Variants in PCP4 observed in about 807,000 individuals in gnomAD.
PCP4 encodes calmodulin regulator protein PCP4.
PCP4 carries 8 observed loss-of-function variants against 10.0 expected under a neutral mutation model. The observed-to-expected ratio is 0.80, with a 90% CI of 0.47 to 1.45. PCP4 has a LOEUF of 1.45. Ranked by LOEUF, PCP4 falls within the 40% of genes most tolerant of loss-of-function variation. PCP4 has a pLI of 0.00. For synonymous variants in PCP4, 21 were observed against 23.0 expected (o/e 0.91, Z 0.24); for missense variants, 54 against 74.4 (o/e 0.73, Z 1.01).
In PCP4 at chr21:39,889,056, C is replaced by T. The variant is rs1291806958; in HGVS notation, c.10-9420C>T. Among the ~76,000 whole-genome samples the T allele has an allele frequency of 2.0e-5, 3 of 152,216 alleles. No homozygotes were observed. In the East Asian group the frequency reaches 5.8e-4, roughly 29 times the overall value. On this transcript the variant is annotated intron_variant, in intron 1 of 2. Coordinates refer to ENST00000328619, the MANE Select transcript of PCP4 (RefSeq NM_006198.3). Reference sequence around the variant, plus strand: ...CCATTTCACTTCCATCCCTGCGTGGCTTGATCACGGGGCCGAGAGGGAACG... The same window carrying T: ...CCATTTCACTTCCATCCCTGCGTGGTTTGATCACGGGGCCGAGAGGGAACG...
At chr21:39,895,256 T>C (rs544077254) in intron 1 of PCP4, among the ~76,000 whole-genome samples, 2 of 152,246 alleles carry the variant, frequency 1.3e-5, no homozygotes, top group Non-Finnish European at 2.9e-5. Context: ...CACATCCATC[T>C]GCTATTTATT....
At chr21:39,874,570 T>G (rs1177574729) in intron 1 of PCP4, among the ~76,000 whole-genome samples, 1 of 152,012 alleles carries the variant, frequency 6.6e-6, no homozygotes, top group East Asian at 1.9e-4. Flanking sequence ...CATTAACATG[T>G]GTCTTAATCA....
At chr21:39,880,188 C>CTA (rs1325255846) in intron 1 of PCP4, among the ~76,000 whole-genome samples, 1,926 of 122,638 alleles carry the variant, frequency 0.016, 39 homozygotes, top group African/African-American at 0.059. Context: ...ATATCTATAT[C>CTA]TATCTATATC....
intron 2 of PCP4, among the ~76,000 whole-genome samples, chr21:39,900,152 A>G (rs2146338403): frequency 6.6e-6 from 1 of 152,206 alleles, no homozygotes; most frequent in Non-Finnish European, 1.5e-5. Context: ...CTCCTGCCTC[A>G]GCCTCTTGAG....
chr21:39,910,309 C>A (rs963387858), intron 2 of PCP4, among the ~76,000 whole-genome samples: 3 of 152,158 alleles, frequency 2.0e-5, no homozygotes, highest in Non-Finnish European at 2.9e-5. Flanking sequence ...GCAGACCTCG[C>A]TTCCCACAGC....
chr21:39,910,573 TG>T (rs1422426429), intron 2 of PCP4, among the ~76,000 whole-genome samples: 1 of 152,202 alleles, frequency 6.6e-6, no homozygotes, highest in Non-Finnish European at 1.5e-5. Context: ...ATGCATTTGC[TG>T]GTTGGGGAAA....
intron 1 of PCP4, among the ~76,000 whole-genome samples, chr21:39,896,783 G>T (rs1207249780): frequency 6.6e-6 from 1 of 152,138 alleles, no homozygotes; most frequent in Non-Finnish European, 1.5e-5. Context: ...GTTGACAAAT[G>T]ACCTGAGAAT....
chr21:39,910,654 A>G (rs2837287), intron 2 of PCP4, among the ~76,000 whole-genome samples: 25,430 of 152,182 alleles, frequency 0.17, 2,294 homozygotes, highest in East Asian at 0.35. Context: ...AGAATAAGAT[A>G]GAGCAATGTT....
At chr21:39,876,074 A>G (rs2087344153) in intron 1 of PCP4, among the ~76,000 whole-genome samples, 1 of 150,962 alleles carries the variant, frequency 6.6e-6, no homozygotes, top group South Asian at 2.1e-4. Context: ...AGAATTTTTC[A>G]ATTAAATCTG....
chr21:39,926,158 C>T, intron 2 of PCP4: 1 of 429,610 alleles, frequency 2.3e-6, no homozygotes, highest in Non-Finnish European at 4.7e-6. Context: ...ACTGGACTCT[C>T]TGAAGTATAC....
At chr21:39,889,197 G>A (rs751987694) in intron 1 of PCP4, among the ~76,000 whole-genome samples, 1 of 152,070 alleles carries the variant, frequency 6.6e-6, no homozygotes, top group Non-Finnish European at 1.5e-5. Context: ...CATGAATAAA[G>A]CTCTTACGAA....
chr21:39,876,377 T>C (rs1395536259), intron 1 of PCP4, among the ~76,000 whole-genome samples: 1 of 152,188 alleles, frequency 6.6e-6, no homozygotes, highest in Admixed American at 6.5e-5. Flanking sequence ...ATTTGTCTTT[T>C]TGTGACTGGC....
rs565693391 is a variant in PCP4, at chr21:39,928,879, G to A, written c.62-105G>A. The stretch of plus-strand genomic sequence containing the variant: ...CCTGGGGTGTAAGTTAAGCCCCTGT[G>A]TGTGCCCCAAGGTGGACTTCCTGGC... On this transcript the variant is annotated intron_variant, in intron 2 of 2. Coordinates refer to ENST00000328619, the MANE Select transcript of PCP4 (RefSeq NM_006198.3). 17 of 1,098,290 alleles carry A rather than the reference G, an allele frequency of 1.5e-5. No homozygotes were observed. In the South Asian group the frequency reaches 1.8e-4, roughly 11 times the overall value. 68.0% of individuals were successfully genotyped at this position (1,098,290 alleles called of 1,614,324 possible).
chr21:39,909,921 G>T (rs1013239558), intron 2 of PCP4, among the ~76,000 whole-genome samples: 2 of 151,414 alleles, frequency 1.3e-5, no homozygotes, highest in African/African-American at 4.9e-5. Flanking sequence ...TCAGCCACCC[G>T]AGTAGCTGGG....
chr21:39,920,557 T>C (rs2087592492), intron 2 of PCP4, among the ~76,000 whole-genome samples: 1 of 152,126 alleles, frequency 6.6e-6, no homozygotes, highest in East Asian at 1.9e-4. Flanking sequence ...CTAACCATGA[T>C]GACGTGAGCA....
intron 2 of PCP4, among the ~76,000 whole-genome samples, chr21:39,921,029 T>G (rs905849791): frequency 2.6e-5 from 4 of 152,224 alleles, no homozygotes; most frequent in African/African-American, 9.6e-5. Flanking sequence ...CCATTTGTTT[T>G]CCTGGGGAGG....
intron 1 of PCP4, among the ~76,000 whole-genome samples, chr21:39,891,614 G>A (rs1270702469): frequency 6.6e-6 from 1 of 152,242 alleles, no homozygotes; most frequent in African/African-American, 2.4e-5. Flanking sequence ...TACCATCAAG[G>A]CGCGTAGACC....
intron 1 of PCP4, among the ~76,000 whole-genome samples, chr21:39,888,805 T>C (rs948071542): frequency 7.2e-5 from 11 of 152,334 alleles, no homozygotes; most frequent in African/African-American, 2.6e-4. Context: ...AAATGAACAG[T>C]CCAGGAGTTG....
At chr21:39,927,907 G>A (rs116095755) in intron 2 of PCP4, among the ~76,000 whole-genome samples, 284 of 152,282 alleles carry the variant, frequency 1.9e-3, no homozygotes, top group African/African-American at 6.7e-3. Flanking sequence ...CACTGCGGCT[G>A]TGCAAGGAGG....
Sources: gnomAD v4.1 joint callset for allele counts (sites outside exome capture counted in the v4.1 genomes callset) on GRCh38, gnomAD v4.1.1 for gene constraint, MANE v1.5 for transcripts, NCBI Gene and HGNC (gene_info 2026-07-23, HGNC 2026-07-21) for gene names.